Variants in KLF12 observed in about 807,000 individuals in gnomAD.
KLF12 encodes the protein Krueppel-like factor 12.
In KLF12, 9 loss-of-function variants were observed where a neutral mutation model predicts 37.8. The ratio of observed to expected loss-of-function variants is 0.24; its 90% CI spans 0.14 to 0.42. KLF12 has a LOEUF of 0.42. Ranked by LOEUF, KLF12 falls within the 10% of genes least tolerant of loss-of-function variation. KLF12 has a pLI of 1.00. For missense variants in KLF12, 411 were observed against 516.0 expected, an observed-to-expected ratio of 0.80 and a Z score of 1.97; for synonymous variants, 208 against 202.1, an observed-to-expected ratio of 1.03 and a Z score of -0.25.
chr13:73,734,499 T>C (rs946958047), intron 6 of KLF12, among the ~76,000 whole-genome samples: 5 of 152,144 alleles, frequency 3.3e-5, no homozygotes, highest in East Asian at 1.9e-4. Context: ...AGAGGCTTAA[T>C]AGTTTGAGAT....
chr13:74,166,087 C>CTTTTT, the KLF12 span, among the ~76,000 whole-genome samples: 8 of 103,764 alleles, frequency 7.7e-5, no homozygotes, highest in East Asian at 3.0e-4. Context: ...GCATAAACAC[C>CTTTTT]TTTTTTTTTT....
intron 6 of KLF12, among the ~76,000 whole-genome samples, chr13:73,754,782 AG>A (rs577762046): frequency 9.5e-4 from 145 of 152,322 alleles, no homozygotes; most frequent in African/African-American, 3.3e-3. Context: ...TCTCACCTAG[AG>A]GCAGAAACTA....
chr13:74,228,000 A>T, the KLF12 span, among the ~76,000 whole-genome samples: 1 of 152,180 alleles, frequency 6.6e-6, no homozygotes, highest in African/African-American at 2.4e-5. Flanking sequence ...GTTAATCAGT[A>T]ACTTGAAATG....
chr13:73,772,315 T>A (rs1440076352), intron 5 of KLF12, among the ~76,000 whole-genome samples: 1 of 152,208 alleles, frequency 6.6e-6, no homozygotes, highest in Non-Finnish European at 1.5e-5. Context: ...GCTACAAGGA[T>A]TCAAACACAG....
chr13:73,725,875 ATTTATTTT>A (rs1401787636), intron 6 of KLF12, among the ~76,000 whole-genome samples: 2 of 81,472 alleles, frequency 2.5e-5, no homozygotes, highest in Non-Finnish European at 5.6e-5. Flanking sequence ...TTATTTATTT[ATTTATTTT>A]TTGAGATGGA....
At chr13:73,773,564 C>T (rs1315444998) in intron 5 of KLF12, among the ~76,000 whole-genome samples, 1 of 135,100 alleles carries the variant, frequency 7.4e-6, no homozygotes, top group Non-Finnish European at 1.7e-5. Context: ...GGCTATGACA[C>T]TATGTCCATT....
At chr13:74,291,815 G>A in the KLF12 span, among the ~76,000 whole-genome samples, 1 of 152,136 alleles carries the variant, frequency 6.6e-6, no homozygotes, top group Non-Finnish European at 1.5e-5. Flanking sequence ...GAGGTAGAAA[G>A]CACCAGATAT....
chr13:73,968,503 T>A (rs920678894), intron 2 of KLF12, among the ~76,000 whole-genome samples: 1 of 152,204 alleles, frequency 6.6e-6, no homozygotes, highest in African/African-American at 2.4e-5. Context: ...ATAGCTTTAT[T>A]TCAAGCCACC....
chr13:74,079,819 G>A (rs564167235), intron 1 of KLF12, among the ~76,000 whole-genome samples: 1 of 152,320 alleles, frequency 6.6e-6, no homozygotes, highest in Admixed American at 6.5e-5. Context: ...AAAACAGTAT[G>A]GCGGTTCCTC....
chr13:74,034,050 CTTTT>C (rs897250327), intron 1 of KLF12, among the ~76,000 whole-genome samples: 2 of 151,564 alleles, frequency 1.3e-5, no homozygotes, highest in African/African-American at 2.4e-5. Flanking sequence ...TACGCATTCA[CTTTT>C]TTTGTTTTGT....
At chr13:74,081,338 G>C (rs1293825898) in intron 1 of KLF12, among the ~76,000 whole-genome samples, 3 of 152,098 alleles carry the variant, frequency 2.0e-5, no homozygotes, top group Non-Finnish European at 4.4e-5. Flanking sequence ...GTAATCAAAA[G>C]ATGACATTTT....
the KLF12 span, among the ~76,000 whole-genome samples, chr13:74,216,899 A>G: frequency 2.6e-5 from 4 of 152,338 alleles, no homozygotes; most frequent in East Asian, 7.7e-4. Context: ...TTCTATGGAA[A>G]TTTATGACTT....
rs539580065 is a variant in KLF12 at position 73,820,625 on chromosome 13, TTCAA to T, written c.671-7342_671-7339del. Among the ~76,000 whole-genome samples, 87 of 152,356 alleles carry T rather than the reference TTCAA, an allele frequency of 5.7e-4. No individual in the cohort carries two copies. In the Middle Eastern group the frequency reaches 0.01, roughly 18 times the overall value. On this transcript the variant is annotated intron_variant, in intron 4 of 7. Transcript: ENST00000377669. ...ATAACCCCAGATGACTATTTAAAAGTTCAATCAGTTATGTAAATCTTGGGATGTT... is the reference window on the plus strand; with the variant it reads ...ATAACCCCAGATGACTATTTAAAAGTTCAGTTATGTAAATCTTGGGATGTT...
At chr13:73,929,156 T>C (rs533346218) in intron 3 of KLF12, among the ~76,000 whole-genome samples, 3 of 152,266 alleles carry the variant, frequency 2.0e-5, no homozygotes, top group East Asian at 3.9e-4. Context: ...GTAGATTCAA[T>C]AAAAGTGCAA....
chr13:74,019,184 T>C (rs1892777101), intron 1 of KLF12, among the ~76,000 whole-genome samples: 1 of 152,200 alleles, frequency 6.6e-6, no homozygotes, highest in African/African-American at 2.4e-5. Flanking sequence ...AATCAAAATG[T>C]TAACTTATTA....
At chr13:73,946,171 C>G (rs959743070) in intron 2 of KLF12, among the ~76,000 whole-genome samples, 2 of 152,112 alleles carry the variant, frequency 1.3e-5, no homozygotes, top group Non-Finnish European at 2.9e-5. Context: ...TTGCTTCCTA[C>G]CCTGGAGGAG....
rs770476764 is a variant in KLF12 at position 73,995,055 on chromosome 13, T to C, written c.-31-2A>G. ...TTTGTTCTTAGAGTCACATTGATCC[T>C]GCAAGAAAAACACAAAGACAAATGA... On this transcript the variant is annotated splice_acceptor_variant, in intron 1 of 7. Transcript: ENST00000377669. LOFTEE classifies it low-confidence loss of function (5UTR_SPLICE). 2 of 1,592,374 alleles carry C rather than the reference T, an allele frequency of 1.3e-6. No homozygotes were observed. Among genetic ancestry groups the C allele is most frequent in the Non-Finnish European group, 1.7e-6 (2 of 1,167,442 alleles).
chr13:74,088,501 T>C lies in KLF12; in HGVS notation c.-32+45238A>G, dbSNP rs1875456654. Among the ~76,000 whole-genome samples the C allele has an allele frequency of 2.0e-5, 3 of 152,164 alleles. No homozygotes were observed. In the South Asian group the frequency reaches 6.2e-4, roughly 32 times the overall value. ...CCACAGCTTCCCAAAGTGCTGGGATTGCAGGCATAAGCCACCGTGCCGAGC... is the reference window on the plus strand; with the variant it reads ...CCACAGCTTCCCAAAGTGCTGGGATCGCAGGCATAAGCCACCGTGCCGAGC... On this transcript the variant is annotated intron_variant, in intron 1 of 7. Transcript: ENST00000377669.
chr13:73,821,532 AC>A, intron 4 of KLF12, among the ~76,000 whole-genome samples: 1 of 152,126 alleles, frequency 6.6e-6, no homozygotes, highest in Non-Finnish European at 1.5e-5. Flanking sequence ...TCTTGCTTTT[AC>A]CCAATGATTA....
Sources: gnomAD v4.1 joint callset for allele counts (sites outside exome capture counted in the v4.1 genomes callset) on GRCh38, gnomAD v4.1.1 for gene constraint, MANE v1.5 for transcripts, NCBI Gene and HGNC (gene_info 2026-07-23, HGNC 2026-07-21) for gene names.